CDC42EP4: variants seen among roughly 807,000 people sequenced by gnomAD.
CDC42EP4 encodes CDC42 effector protein 4.
CDC42EP4 carries 6 observed loss-of-function variants against 5.6 expected under a neutral mutation model. The ratio of observed to expected loss-of-function variants is 1.07; its 90% CI spans 0.59 to 2.12. The LOEUF (loss-of-function observed/expected upper bound fraction) is 2.12, where lower values mean the gene tolerates loss of function less well. CDC42EP4 is among the 30% of genes most tolerant of loss of function. The pLI, the probability that CDC42EP4 is intolerant of heterozygous loss-of-function variation, is 0.00. For missense variants in CDC42EP4, 490 were observed against 508.6 expected (o/e 0.96, Z 0.35); for synonymous variants, 230 against 224.2 (o/e 1.03, Z -0.23).
chr17:73,294,126 G>T (rs1348555660), intron 1 of CDC42EP4, among the ~76,000 whole-genome samples: 2 of 152,088 alleles, frequency 1.3e-5, no homozygotes, highest in African/African-American at 4.8e-5. Context: ...TGAGGCGGGT[G>T]GATCTCCTGA....
At chr17:73,307,732 G>T (rs1292054109) in intron 1 of CDC42EP4, among the ~76,000 whole-genome samples, 1 of 149,664 alleles carries the variant, frequency 6.7e-6, no homozygotes, top group Non-Finnish European at 1.5e-5. Flanking sequence ...ACAGGTGTGA[G>T]CCACCACGCC....
At chr17:73,291,659 C>CAA (rs1393673212) in intron 1 of CDC42EP4, among the ~76,000 whole-genome samples, 2 of 152,072 alleles carry the variant, frequency 1.3e-5, no homozygotes, top group Non-Finnish European at 2.9e-5. Context: ...CAACGTGGGG[C>CAA]AGGCACTCCC....
intron 1 of CDC42EP4, among the ~76,000 whole-genome samples, chr17:73,290,665 G>A (rs1461800437): frequency 6.6e-6 from 1 of 152,222 alleles, no homozygotes; most frequent in African/African-American, 2.4e-5. Flanking sequence ...GGTGAAGATA[G>A]AGCAGGTATG....
In CDC42EP4 at chr17:73,308,086, T is replaced by C. The variant is rs182266501; in HGVS notation, c.-113+3807A>G. On this transcript the variant is annotated intron_variant, in intron 1 of 1. Coordinates refer to ENST00000335793, the MANE Select transcript of CDC42EP4 (RefSeq NM_012121.5). ...CCCAACGCACTCAAGCAAAAAGGGC[T>C]GTGTCCAGTGCCACATGCGGGCTCC... Among the ~76,000 whole-genome samples, 347 of 152,232 alleles carry C rather than the reference T, an allele frequency of 2.3e-3. 2 individuals carry two copies. Among genetic ancestry groups the C allele is most frequent in the African/African-American group, 7.4e-3 (309 of 41,568 alleles).
chr17:73,302,857 A>G (rs111676914), intron 1 of CDC42EP4, among the ~76,000 whole-genome samples: 1 of 150,520 alleles, frequency 6.6e-6, no homozygotes, highest in African/African-American at 2.5e-5. Flanking sequence ...CCTGGCCAAC[A>G]TGGTGAAACC....
In CDC42EP4 at chr17:73,284,103, A is replaced by C. The variant is rs1413894400; in HGVS notation, c.*1327T>G. 1 of 152,264 alleles carries C rather than the reference A, an allele frequency of 6.6e-6. No individual in the cohort carries two copies. Among genetic ancestry groups the C allele is most frequent in the Admixed American group, 6.5e-5 (1 of 15,286 alleles). 9.4% of individuals were successfully genotyped at this position (152,264 alleles called of 1,614,324 possible). ...TTCAGAAAAACAAATCATTTTTCAC[A>C]TAAGTGTTCCAAATATTGCGTGGGG... is the stretch of plus-strand genomic sequence containing the variant. On this transcript the variant is annotated 3_prime_UTR_variant, in exon 2 of 2. Coordinates refer to ENST00000335793, the MANE Select transcript of CDC42EP4 (RefSeq NM_012121.5).
rs2062116313 is a variant in CDC42EP4, at chr17:73,284,039, C to T, written c.*1391G>A. 1 of 152,236 alleles carries T rather than the reference C, an allele frequency of 6.6e-6. No homozygotes were observed. Among genetic ancestry groups the T allele is most frequent in the Non-Finnish European group, 1.5e-5 (1 of 68,048 alleles). 9.4% of individuals were successfully genotyped at this position (152,236 alleles called of 1,614,324 possible). ...TCATACCCGAGCTTCTGCTCAATCC[C>T]CTCGGGGACAGTTACAGGACTCAGA... On this transcript the variant is annotated 3_prime_UTR_variant, in exon 2 of 2. Transcript: ENST00000335793.
At chr17:73,288,273 G>C (rs12943342) in intron 1 of CDC42EP4, among the ~76,000 whole-genome samples, 1 of 151,816 alleles carries the variant, frequency 6.6e-6, no homozygotes, top group East Asian at 1.9e-4. Context: ...GCAGATTCTC[G>C]CCCTGTCCCC....
At chr17:73,289,198 A>G (rs993302262) in intron 1 of CDC42EP4, among the ~76,000 whole-genome samples, 1 of 152,166 alleles carries the variant, frequency 6.6e-6, no homozygotes, top group Non-Finnish European at 1.5e-5. Flanking sequence ...CTGTCTTCTT[A>G]GTATAAAACT....
intron 1 of CDC42EP4, among the ~76,000 whole-genome samples, chr17:73,297,494 T>TA (rs1382494404): frequency 1.3e-5 from 2 of 151,850 alleles, no homozygotes; most frequent in African/African-American, 4.8e-5. Flanking sequence ...AATAAAAATT[T>TA]AAAATAAATA....
rs565897282 is a variant in CDC42EP4 at position 73,292,641 on chromosome 17, G to A, written c.-112-6029C>T. Among the ~76,000 whole-genome samples the A allele has an allele frequency of 2.0e-5, 3 of 152,324 alleles. No individual in the cohort carries two copies. The South Asian group carries it at 6.2e-4, about 32-fold the overall frequency. ...TCTGGGGGAGGCCCCTCTTGAGGAAGGAGCATCATGAGTTGAGAACCAAAT... is the reference window on the plus strand; with the variant it reads ...TCTGGGGGAGGCCCCTCTTGAGGAAAGAGCATCATGAGTTGAGAACCAAAT... On this transcript the variant is annotated intron_variant, in intron 1 of 1. Coordinates refer to ENST00000335793, the MANE Select transcript of CDC42EP4 (RefSeq NM_012121.5).
chr17:73,286,022 T>G lies in CDC42EP4; in HGVS notation c.479A>C (p.Glu160Ala), dbSNP rs1273012365. The change falls in exon 2 of 2, where the codon GAG becomes GCG. Residue 160 changes from glutamate (E) to alanine (A), a missense_variant. Glu to Ala is a moderately radical substitution (Grantham distance 107). Transcript: ENST00000335793. The surrounding 1 kb of genome is among the most constrained non-coding windows in gnomAD (Gnocchi z 7.7). ...CCCATTCCGACGGGGCACTGCCTCC[T>G]CCGTGCCCGCCTCCTCATCGCCGCC... ...GEGGDEEAGT[E>A]EAVPRRNGAA... 3 of 1,613,708 alleles carry G rather than the reference T, an allele frequency of 1.9e-6. No homozygotes were observed. The highest frequency in any genetic ancestry group is 2.5e-6 in the Non-Finnish European group (3 of 1,179,960).
chr17:73,286,293 A>G lies in CDC42EP4; in HGVS notation c.208T>C (p.Ser70Pro). 1 of 1,614,208 alleles carries G rather than the reference A, an allele frequency of 6.2e-7. No homozygotes were observed. Among genetic ancestry groups the G allele is most frequent in the South Asian group, 1.1e-5 (1 of 91,090 alleles). ...PDGESLDEQP[S>P]SSSSKRSLLS... ...AGACTGCGTTTGGAAGATGAAGAAG[A>G]GGGCTGTTCGTCCAAGGACTCGCCG... Residue 70 changes from serine (S) to proline (P), a missense_variant, in exon 2 of 2, where the codon TCT becomes CCT. Coordinates refer to ENST00000335793, the MANE Select transcript of CDC42EP4 (RefSeq NM_012121.5). This position sits in a 1 kb window ranked among gnomAD's most constrained non-coding sequence, Gnocchi z 7.7.
chr17:73,300,840 T>A (rs7207940), intron 1 of CDC42EP4, among the ~76,000 whole-genome samples: 48,632 of 151,824 alleles, frequency 0.32, 8,301 homozygotes, highest in African/African-American at 0.43. Flanking sequence ...TGAGGTCAGG[T>A]GTTCGAAACC....
intron 1 of CDC42EP4, among the ~76,000 whole-genome samples, chr17:73,298,235 T>C (rs62073868): frequency 2.0e-5 from 3 of 152,154 alleles, no homozygotes; most frequent in Non-Finnish European, 4.4e-5. Context: ...GACACGTTTA[T>C]TAGGTCCTTG....
Position 73,285,539 on chromosome 17 carries a change from C to A in CDC42EP4, c.962G>T (p.Arg321Leu). 7.4e-6 allele frequency: 12 copies of A among 1,611,670 alleles called. No homozygotes were observed. Among genetic ancestry groups the A allele is most frequent in the Non-Finnish European group, 1.0e-5 (12 of 1,179,416 alleles). ...GTCCGGCCCCCGGAAGGCAGGGCTG[C>A]GCTCCTCCAGGATGCCTGAGGTGCA... ...SSCTSGILEE[R>L]SPAFRGPDRA... The change falls in exon 2 of 2, where the codon CGC (arginine) becomes CTC (leucine). Residue 321 changes from arginine to leucine, a missense_variant. Physicochemically the swap from Arg to Leu is moderately radical, Grantham distance 102. Coordinates refer to ENST00000335793, the MANE Select transcript of CDC42EP4 (RefSeq NM_012121.5). This position sits in a 1 kb window ranked among gnomAD's most constrained non-coding sequence, Gnocchi z 6.8.
At chr17:73,295,767 T>C (rs1236884287) in intron 1 of CDC42EP4, among the ~76,000 whole-genome samples, 1 of 151,818 alleles carries the variant, frequency 6.6e-6, no homozygotes, top group East Asian at 2.0e-4. Context: ...TAGCCAGGCA[T>C]GGTGGCGGGT....
chr17:73,304,442 G>A (rs1453873576), intron 1 of CDC42EP4, among the ~76,000 whole-genome samples: 2 of 151,754 alleles, frequency 1.3e-5, no homozygotes, highest in Non-Finnish European at 2.9e-5. Flanking sequence ...AGTCATACAC[G>A]GTCCCAAGCA....
chr17:73,299,158 T>C (rs2062203812), intron 1 of CDC42EP4, among the ~76,000 whole-genome samples: 1 of 151,976 alleles, frequency 6.6e-6, no homozygotes. Flanking sequence ...GTGCAGTGGC[T>C]CACGCCTGTA....
Sources: allele counts gnomAD v4.1 joint callset (sites outside exome capture counted in the v4.1 genomes callset), GRCh38; gene constraint gnomAD v4.1.1; non-coding constraint Gnocchi (gnomAD v3.1); transcripts MANE v1.5; gene names NCBI Gene and HGNC (gene_info 2026-07-23, HGNC 2026-07-21).